The following MTREX variants were observed in gnomAD, a reference collection of about 807,000 sequenced individuals.
The protein encoded by MTREX is exosome RNA helicase MTR4.
MTREX carries 76 observed loss-of-function variants against 135.4 expected under a neutral mutation model. The observed-to-expected ratio is 0.56, with a 90% CI of 0.47 to 0.68. MTREX has a LOEUF of 0.68. Among genes scored for constraint, MTREX ranks in the 30% least tolerant of loss-of-function variants. The pLI, the probability that MTREX is intolerant of heterozygous loss-of-function variation, is 0.00. For synonymous variants in MTREX, 404 were observed against 401.6 expected, an observed-to-expected ratio of 1.01 and a Z score of -0.07; for missense variants, 920 against 1,262.1, an observed-to-expected ratio of 0.73 and a Z score of 4.11.
At position 55,400,222 on chromosome 5, in the gene MTREX, A is replaced by G. The variant is rs369973252; in HGVS notation, c.2293-11A>G. On this transcript the variant is annotated splice_polypyrimidine_tract_variant and intron_variant, in intron 20 of 26. Transcript: ENST00000230640. ...TATAAGATGAAAATGAATTTTACAT[A>G]TTTTTTTCAGGAAGTTCAGAAACGT... 9.1e-6 allele frequency: 14 copies of G among 1,542,278 alleles called. No individual in the cohort carries two copies. The highest frequency in any genetic ancestry group is 2.0e-5 in the Admixed American group (1 of 48,948).
chr5:55,367,229 G>A (rs1750118511), intron 16 of MTREX, among the ~76,000 whole-genome samples: 1 of 152,174 alleles, frequency 6.6e-6, no homozygotes, highest in African/African-American at 2.4e-5. Context: ...GCTCATGCCT[G>A]TAATCCTAGC....
intron 25 of MTREX, among the ~76,000 whole-genome samples, chr5:55,422,047 T>C (rs535733788): frequency 3.3e-4 from 51 of 152,318 alleles, no homozygotes; most frequent in Middle Eastern, 6.8e-3. Context: ...TAATTGTTAA[T>C]AGTGTAAATA....
At chr5:55,424,696 A>C (rs781006716) in intron 26 of MTREX, 24 bp from the exon 27 acceptor site, 3 of 1,585,608 alleles carry the variant, frequency 1.9e-6, no homozygotes, top group South Asian at 2.2e-5. Context: ...TTGAAAGTTT[A>C]AACCTTACTT....
At chr5:55,367,355 G>A in intron 16 of MTREX, among the ~76,000 whole-genome samples, 1 of 151,996 alleles carries the variant, frequency 6.6e-6, no homozygotes. Flanking sequence ...GCATGGTGGT[G>A]GGCTTCTGTA....
intron 11 of MTREX, 42 bp from the exon 12 acceptor site, chr5:55,349,531 T>C (rs1245872632): frequency 4.8e-6 from 5 of 1,048,210 alleles, no homozygotes; most frequent in Admixed American, 1.8e-5. Flanking sequence ...TTGGTATCAC[T>C]AACTCATTTT....
chr5:55,356,487 G>T (rs1051762728), intron 14 of MTREX: 3 of 203,128 alleles, frequency 1.5e-5, no homozygotes, highest in African/African-American at 4.6e-5. Flanking sequence ...CAGATTCTTC[G>T]TGGATGAAGA....
chr5:55,359,309 A>T (rs1749971606), intron 15 of MTREX, among the ~76,000 whole-genome samples: 1 of 152,192 alleles, frequency 6.6e-6, no homozygotes, highest in South Asian at 2.1e-4. Context: ...TCTTATCCAT[A>T]TAGAGAAAAG....
intron 6 of MTREX, 83 bp from the exon 7 acceptor site, chr5:55,341,598 C>T (rs1749650009): frequency 3.3e-6 from 2 of 605,700 alleles, no homozygotes; most frequent in African/African-American, 1.9e-5. Context: ...TCCAAAATTC[C>T]TTGTTGGAAA....
At chr5:55,382,913 C>T (rs1046985543) in intron 18 of MTREX, among the ~76,000 whole-genome samples, 1 of 152,168 alleles carries the variant, frequency 6.6e-6, no homozygotes, top group Admixed American at 6.5e-5. Context: ...GGATTATAGG[C>T]GTGAGCCACC....
intron 5 of MTREX, among the ~76,000 whole-genome samples, chr5:55,336,663 C>G (rs987770267): frequency 6.6e-6 from 1 of 152,146 alleles, no homozygotes; most frequent in Admixed American, 6.6e-5. Context: ...GATTGGGTCC[C>G]AGACCCCCTC....
intron 16 of MTREX, among the ~76,000 whole-genome samples, chr5:55,373,352 G>T (rs1375445827): frequency 6.6e-6 from 1 of 151,660 alleles, no homozygotes; most frequent in Non-Finnish European, 1.5e-5. Context: ...ATATATAGTT[G>T]TGAATTATGT....
At position 55,400,259 on chromosome 5, in the gene MTREX, C is replaced by T. The variant is rs371529862; in HGVS notation, c.2319C>T (p.Gly773=). 4.4e-6 allele frequency: 7 copies of T among 1,574,738 alleles called. No individual in the cohort carries two copies. Among genetic ancestry groups the T allele is most frequent in the Middle Eastern group, 3.4e-4 (2 of 5,878 alleles). ...IQEVQKRFPD[G]IPLLDPIDDM... is the part of the protein sequence containing the mutation. ...AAGTTCAGAAACGTTTTCCTGACGG[C>T]ATCCCCTTATTAGACCCTATTGATG... Residue 773 remains glycine, a synonymous_variant, in exon 21 of 27, where the codon GGC becomes GGT. Transcript: ENST00000230640.
At chr5:55,319,276 T>C (rs1749249346) in intron 1 of MTREX, among the ~76,000 whole-genome samples, 1 of 152,218 alleles carries the variant, frequency 6.6e-6, no homozygotes, top group Admixed American at 6.5e-5. Context: ...ATTTTGCCAA[T>C]TGCTTTAATG....
At chr5:55,376,051 A>C (rs557078204) in intron 16 of MTREX, among the ~76,000 whole-genome samples, 1 of 152,352 alleles carries the variant, frequency 6.6e-6, no homozygotes, top group East Asian at 1.9e-4. Flanking sequence ...AAAATTTACT[A>C]TAGTGGAGCC....
chr5:55,395,795 A>G (rs1177861735), intron 19 of MTREX, among the ~76,000 whole-genome samples: 1 of 152,168 alleles, frequency 6.6e-6, no homozygotes, highest in Non-Finnish European at 1.5e-5. Context: ...TTATAAAATA[A>G]CCTATATTCT....
chr5:55,349,464 C>T (rs1749792432), intron 11 of MTREX, 109 bp from the exon 12 acceptor site: 5 of 682,374 alleles, frequency 7.3e-6, no homozygotes, highest in East Asian at 2.7e-5. Context: ...GCTAGGATTA[C>T]AAGCTTGGGA....
chr5:55,323,675 C>T lies in MTREX; in HGVS notation c.273-457C>T, dbSNP rs143187404. ...GCTCAAGTGATCCACCCACTTCAGC[C>T]TCCCAAAGTGTTGGGATTACAGGTG... On this transcript the variant is annotated intron_variant, in intron 2 of 26. Transcript: ENST00000230640. 8.5e-3 allele frequency among the ~76,000 whole-genome samples: 1,290 copies of T among 152,282 alleles called. 18 individuals are homozygous for T. The highest frequency in any genetic ancestry group is 0.03 in the African/African-American group (1,242 of 41,544).
At chr5:55,367,814 A>G (rs562385411) in intron 16 of MTREX, among the ~76,000 whole-genome samples, 1 of 152,356 alleles carries the variant, frequency 6.6e-6, no homozygotes, top group South Asian at 2.1e-4. Context: ...TTTGAATGTG[A>G]AAAAGAATAA....
chr5:55,341,253 G>A (rs1749644084), intron 6 of MTREX, among the ~76,000 whole-genome samples: 1 of 152,186 alleles, frequency 6.6e-6, no homozygotes, highest in Non-Finnish European at 1.5e-5. Context: ...CAGAAAAAAT[G>A]GGCAAACAGT....
Sources: gnomAD v4.1 joint callset for allele counts (sites outside exome capture counted in the v4.1 genomes callset) on GRCh38, gnomAD v4.1.1 for gene constraint, MANE v1.5 for transcripts, NCBI Gene and HGNC (gene_info 2026-07-23, HGNC 2026-07-21) for gene names.